LINGO2: variants seen among roughly 807,000 people sequenced by gnomAD.
The protein encoded by LINGO2 is leucine rich repeat and Ig domain containing 2.
A neutral mutation model predicts 30.6 loss-of-function variants in LINGO2; 14 were observed. That is an observed-to-expected ratio of 0.46 (90% CI 0.30 to 0.72). The LOEUF (loss-of-function observed/expected upper bound fraction) is 0.72, where lower values mean the gene tolerates loss of function less well. Among genes scored for constraint, LINGO2 ranks in the 30% least tolerant of loss-of-function variants. The pLI, the probability that LINGO2 is intolerant of heterozygous loss-of-function variation, is 0.07. For missense variants in LINGO2, 729 were observed against 751.7 expected (o/e 0.97, Z 0.35); for synonymous variants, 317 against 288.5 (o/e 1.10, Z -1.00).
chr9:28,624,273 A>C (rs561482869), intron 1 of LINGO2, among the ~76,000 whole-genome samples: 19 of 152,094 alleles, frequency 1.2e-4, no homozygotes, highest in African/African-American at 4.6e-4. Flanking sequence ...AAAAGCTTTT[A>C]GTTTTTACCC....
the LINGO2 span, among the ~76,000 whole-genome samples, chr9:29,054,148 C>G: frequency 1.3e-5 from 2 of 152,014 alleles, no homozygotes; most frequent in Non-Finnish European, 2.9e-5. Context: ...AACATGTATA[C>G]CCCTTAGATC....
At chr9:28,999,191 T>C in the LINGO2 span, among the ~76,000 whole-genome samples, 1 of 152,098 alleles carries the variant, frequency 6.6e-6, no homozygotes, top group Admixed American at 6.6e-5. Flanking sequence ...TTAATGACAT[T>C]ACTCAGGAAA....
At chr9:28,133,210 G>T (rs1428385157) in intron 4 of LINGO2, among the ~76,000 whole-genome samples, 2 of 151,928 alleles carry the variant, frequency 1.3e-5, no homozygotes, top group African/African-American at 2.4e-5. Context: ...AACAAAAAAA[G>T]AATATATTTT....
At chr9:28,091,867 C>T (rs1341977148) in intron 4 of LINGO2, among the ~76,000 whole-genome samples, 6 of 151,778 alleles carry the variant, frequency 4.0e-5, no homozygotes, top group Admixed American at 2.6e-4. Flanking sequence ...AAAACAACCC[C>T]ATCAAAAAGT....
At chr9:29,203,559 C>T in the LINGO2 span, among the ~76,000 whole-genome samples, 1 of 152,210 alleles carries the variant, frequency 6.6e-6, no homozygotes, top group Non-Finnish European at 1.5e-5. Flanking sequence ...CTGTCACCAA[C>T]CACTACCAGG....
the LINGO2 span, among the ~76,000 whole-genome samples, chr9:28,829,333 G>A: frequency 6.6e-6 from 1 of 152,138 alleles, no homozygotes; most frequent in African/African-American, 2.4e-5. Context: ...TGTTCATGTG[G>A]CCTGATTTTT....
the LINGO2 span, among the ~76,000 whole-genome samples, chr9:28,887,927 A>C: frequency 6.6e-6 from 1 of 152,162 alleles, no homozygotes; most frequent in Non-Finnish European, 1.5e-5. Context: ...TTGTTTTAGA[A>C]AAAAGACAGG....
intron 2 of LINGO2, among the ~76,000 whole-genome samples, chr9:28,440,942 G>A (rs1456378870): frequency 1.3e-5 from 2 of 152,106 alleles, no homozygotes; most frequent in Non-Finnish European, 2.9e-5. Context: ...AGCTGCTATG[G>A]TTTGAATGTT....
At chr9:29,162,857 C>A in the LINGO2 span, among the ~76,000 whole-genome samples, 1 of 152,140 alleles carries the variant, frequency 6.6e-6, no homozygotes, top group Non-Finnish European at 1.5e-5. Context: ...AGCAAACAGA[C>A]TATTCCAAAG....
At chr9:28,581,357 C>T (rs1261188064) in intron 1 of LINGO2, among the ~76,000 whole-genome samples, 6 of 151,690 alleles carry the variant, frequency 4.0e-5, no homozygotes, top group Non-Finnish European at 5.9e-5. Context: ...ACTTGAATAC[C>T]TGCAGTTACA....
intron 1 of LINGO2, among the ~76,000 whole-genome samples, chr9:28,661,484 G>C (rs1828582815): frequency 6.6e-6 from 1 of 152,130 alleles, no homozygotes; most frequent in African/African-American, 2.4e-5. Context: ...AAGCATGTAA[G>C]TTTGGGGGTT....
chr9:28,163,478 T>A (rs1415759703), intron 4 of LINGO2, among the ~76,000 whole-genome samples: 1 of 152,020 alleles, frequency 6.6e-6, no homozygotes, highest in Admixed American at 6.6e-5. Flanking sequence ...TTTCAAAGGA[T>A]AAAAATACCT....
the LINGO2 span, among the ~76,000 whole-genome samples, chr9:28,858,095 C>A: frequency 6.6e-6 from 1 of 151,920 alleles, no homozygotes; most frequent in African/African-American, 2.4e-5. Flanking sequence ...TCCAGCTTGT[C>A]CCTCAGGCTG....
chr9:28,138,629 A>G (rs1394990248), intron 4 of LINGO2, among the ~76,000 whole-genome samples: 1 of 152,230 alleles, frequency 6.6e-6, no homozygotes, highest in Non-Finnish European at 1.5e-5. Flanking sequence ...TAAACTAATC[A>G]TGAATTTTAT....
chr9:28,529,604 T>C (rs1427032007), intron 1 of LINGO2, among the ~76,000 whole-genome samples: 1 of 149,380 alleles, frequency 6.7e-6, no homozygotes, highest in African/African-American at 2.5e-5. Flanking sequence ...AAATTGCAAA[T>C]ACTTTTTTTT....
the LINGO2 span, among the ~76,000 whole-genome samples, chr9:28,852,292 G>A: frequency 0.1 from 15,726 of 151,934 alleles, 934 homozygotes; most frequent in African/African-American, 0.17. Context: ...TCAGCCTGCA[G>A]CTCCCTCCCC....
chr9:28,376,506 G>GA (rs1436193967), intron 2 of LINGO2, among the ~76,000 whole-genome samples: 1 of 152,182 alleles, frequency 6.6e-6, no homozygotes, highest in Non-Finnish European at 1.5e-5. Flanking sequence ...CTAGCTGCCT[G>GA]AAGTGCTGGC....
At chr9:28,930,618 C>T in the LINGO2 span, among the ~76,000 whole-genome samples, 4 of 152,248 alleles carry the variant, frequency 2.6e-5, no homozygotes, top group East Asian at 3.9e-4. This position sits in a 1 kb window ranked among gnomAD's most constrained non-coding sequence, Gnocchi z 4.2. Context: ...TATCTTTTAT[C>T]TTTGTATCTC....
chr9:28,377,451 G>A (rs10968543), intron 2 of LINGO2, among the ~76,000 whole-genome samples: 59,653 of 151,978 alleles, frequency 0.39, 12,824 homozygotes, highest in Non-Finnish European at 0.47. Context: ...TTAACCTACT[G>A]TTTATGTTAT....
Sources: allele counts gnomAD v4.1 joint callset (sites outside exome capture counted in the v4.1 genomes callset), GRCh38; gene constraint gnomAD v4.1.1; non-coding constraint Gnocchi (gnomAD v3.1); transcripts MANE v1.5; gene names NCBI Gene and HGNC (gene_info 2026-07-23, HGNC 2026-07-21).